PPP2R2C: variants seen among roughly 807,000 people sequenced by gnomAD.
The protein encoded by PPP2R2C is protein phosphatase 2, regulatory subunit B, gamma.
Under a neutral mutation model 45.3 loss-of-function variants are expected in PPP2R2C, and 10 were observed. The ratio of observed to expected loss-of-function variants is 0.22; its 90% CI spans 0.14 to 0.37. PPP2R2C has a LOEUF of 0.37. Ranked by LOEUF, PPP2R2C falls within the 10% of genes least tolerant of loss-of-function variation. The pLI is 1.00. For missense variants in PPP2R2C, 308 were observed against 619.7 expected, an observed-to-expected ratio of 0.50 and a Z score of 5.34; for synonymous variants, 257 against 245.4, an observed-to-expected ratio of 1.05 and a Z score of -0.44.
chr4:6,480,482 G>C (rs1389188460), intron 2 of PPP2R2C, among the ~76,000 whole-genome samples: 2 of 152,098 alleles, frequency 1.3e-5, no homozygotes, highest in Non-Finnish European at 2.9e-5. Flanking sequence ...CCAAATTAAG[G>C]CTTTTTTTCC....
chr4:6,485,020 T>G (rs1295936432), intron 2 of PPP2R2C, among the ~76,000 whole-genome samples: 1 of 151,836 alleles, frequency 6.6e-6, no homozygotes, highest in Non-Finnish European at 1.5e-5. Context: ...ATTCAATCTT[T>G]CATTTAGCCT....
intron 1 of PPP2R2C, among the ~76,000 whole-genome samples, chr4:6,406,112 G>A (rs1015136560): frequency 2.0e-5 from 3 of 152,184 alleles, no homozygotes; most frequent in African/African-American, 7.2e-5. Flanking sequence ...CACGTTACAA[G>A]AACTAACGTA....
intron 1 of PPP2R2C, among the ~76,000 whole-genome samples, chr4:6,419,028 G>A (rs1718789444): frequency 6.6e-6 from 1 of 152,216 alleles, no homozygotes; most frequent in Admixed American, 6.5e-5. Context: ...AGCTTCGCAT[G>A]CGGTGAGGGT....
intron 1 of PPP2R2C, among the ~76,000 whole-genome samples, chr4:6,450,787 T>C (rs1024080699): frequency 5.3e-5 from 8 of 152,262 alleles, no homozygotes; most frequent in African/African-American, 1.7e-4. Context: ...AACAATTCCA[T>C]ACCTGGGTAG....
intron 6 of PPP2R2C, among the ~76,000 whole-genome samples, chr4:6,346,536 G>A (rs970705784): frequency 1.3e-5 from 2 of 152,208 alleles, no homozygotes; most frequent in African/African-American, 4.8e-5. Flanking sequence ...CTCCCCCGCA[G>A]ACGCCAGCTC....
intron 1 of PPP2R2C, among the ~76,000 whole-genome samples, chr4:6,466,836 C>T (rs767332459): frequency 6.6e-6 from 1 of 152,132 alleles, no homozygotes; most frequent in African/African-American, 2.4e-5. Context: ...TGAGAAAAAC[C>T]GTGCTCTGTG....
intron 2 of PPP2R2C, among the ~76,000 whole-genome samples, chr4:6,527,211 C>T (rs1437086752): frequency 1.3e-5 from 2 of 152,222 alleles, no homozygotes; most frequent in African/African-American, 4.8e-5. Context: ...CTATTTGCTA[C>T]CAACTCGCTG....
intron 2 of PPP2R2C, among the ~76,000 whole-genome samples, chr4:6,530,403 C>G (rs999539559): frequency 6.6e-6 from 1 of 152,178 alleles, no homozygotes; most frequent in Non-Finnish European, 1.5e-5. Context: ...GATGGCTCAG[C>G]CCAGCAGCCC....
chr4:6,365,927 C>T (rs1473815534), intron 5 of PPP2R2C, among the ~76,000 whole-genome samples: 1 of 152,166 alleles, frequency 6.6e-6, no homozygotes, highest in African/African-American at 2.4e-5. Context: ...CAATTTGTTA[C>T]CTTTAAGATG....
intron 1 of PPP2R2C, among the ~76,000 whole-genome samples, chr4:6,387,061 G>GA (rs1220204467): frequency 6.6e-6 from 1 of 151,670 alleles, no homozygotes; most frequent in East Asian, 1.9e-4. Flanking sequence ...AGAATAGAGA[G>GA]AAAAAAAATT....
chr4:6,527,017 G>A (rs1255961801), intron 2 of PPP2R2C, among the ~76,000 whole-genome samples: 4 of 152,116 alleles, frequency 2.6e-5, no homozygotes, highest in East Asian at 1.9e-4. Flanking sequence ...CGCCAACCAC[G>A]GCTTCAATGC....
chr4:6,322,793 T>C lies in PPP2R2C; in HGVS notation c.*509A>G, dbSNP rs1731631376. 6.6e-6 allele frequency: 1 copy of C among 152,506 alleles called. No individual in the cohort carries two copies. The highest frequency in any genetic ancestry group is 1.5e-5 in the Non-Finnish European group (1 of 68,290). 9.4% of individuals were successfully genotyped at this position (152,506 alleles called of 1,614,324 possible). On this transcript the variant is annotated 3_prime_UTR_variant, in exon 9 of 9. Transcript: ENST00000382599. This position sits in a 1 kb window ranked among gnomAD's most constrained non-coding sequence, Gnocchi z 7.8. ...CTCTGAGACAGGGCGAATTGCCCCA[T>C]TTATAACCAAAAGAACCCCTGGCTG...
intron 2 of PPP2R2C, among the ~76,000 whole-genome samples, chr4:6,484,936 A>C (rs981823507): frequency 5.3e-5 from 8 of 151,626 alleles, no homozygotes; most frequent in Non-Finnish European, 1.0e-4. Context: ...GCTTTATTGC[A>C]CTAGCTATAA....
At position 6,322,767 on chromosome 4, in the gene PPP2R2C, G is replaced by T. The variant is rs1731629078; in HGVS notation, c.*535C>A. On this transcript the variant is annotated 3_prime_UTR_variant, in exon 9 of 9. Transcript: ENST00000382599. The surrounding 1 kb of genome is among the most constrained non-coding windows in gnomAD (Gnocchi z 7.8). ...CCAAAAAACAACGGTGAGGTCATCA[G>T]CTCTGAGACAGGGCGAATTGCCCCA... 6.6e-6 allele frequency: 1 copy of T among 152,412 alleles called. No individual in the cohort carries two copies. The highest frequency in any genetic ancestry group is 2.1e-4 in the South Asian group (1 of 4,830). 9.4% of individuals were successfully genotyped at this position (152,412 alleles called of 1,614,324 possible).
intron 1 of PPP2R2C, among the ~76,000 whole-genome samples, chr4:6,399,887 G>C (rs940580355): frequency 6.6e-6 from 1 of 152,236 alleles, no homozygotes. Context: ...TGAAACCACT[G>C]GGGGCAGTTG....
chr4:6,562,472 G>GGGT (rs1725611410), intron 1 of PPP2R2C, among the ~76,000 whole-genome samples: 1 of 113,612 alleles, frequency 8.8e-6, no homozygotes, highest in African/African-American at 3.2e-5. Flanking sequence ...CGGAGTCGGG[G>GGGT]GGGGGGGTTG....
At chr4:6,532,371 G>A (rs567934815) in intron 2 of PPP2R2C, among the ~76,000 whole-genome samples, 2 of 152,312 alleles carry the variant, frequency 1.3e-5, no homozygotes, top group Admixed American at 6.5e-5. Context: ...TCACAGTGTT[G>A]AGCAGCCTTG....
upstream of PPP2R2C, among the ~76,000 whole-genome samples, chr4:6,472,940 A>C (rs186676747): frequency 1.3e-5 from 2 of 152,214 alleles, no homozygotes; most frequent in African/African-American, 2.4e-5. Flanking sequence ...GGCAGAAGGC[A>C]GAAAGGACTA....
intron 3 of PPP2R2C, among the ~76,000 whole-genome samples, chr4:6,376,426 G>C (rs1347030357): frequency 1.3e-5 from 2 of 151,110 alleles, no homozygotes; most frequent in African/African-American, 4.9e-5. Flanking sequence ...CTTTTCTGTA[G>C]AGAGGCAGGA....
Sources: gnomAD v4.1 joint callset for allele counts (sites outside exome capture counted in the v4.1 genomes callset) on GRCh38, gnomAD v4.1.1 for gene constraint, Gnocchi (gnomAD v3.1) non-coding constraint, MANE v1.5 for transcripts, NCBI Gene and HGNC (gene_info 2026-07-23, HGNC 2026-07-21) for gene names.